Variants in FRAS1 observed in about 807,000 individuals in gnomAD.
FRAS1 encodes the protein Fraser extracellular matrix complex subunit 1, also known as extracellular matrix organizing protein FRAS1.
Under a neutral mutation model 435.2 loss-of-function variants are expected in FRAS1, and 290 were observed. The ratio of observed to expected loss-of-function variants is 0.67; its 90% CI spans 0.61 to 0.73. The LOEUF (loss-of-function observed/expected upper bound fraction) is 0.73, where lower values mean the gene tolerates loss of function less well. Among genes scored for constraint, FRAS1 ranks in the 30% least tolerant of loss-of-function variants. The pLI, the probability that FRAS1 is intolerant of heterozygous loss-of-function variation, is 0.00. For missense variants in FRAS1, 4,860 were observed against 5,001.5 expected, an observed-to-expected ratio of 0.97 and a Z score of 0.85; for synonymous variants, 1,800 against 1,851.0, an observed-to-expected ratio of 0.97 and a Z score of 0.71.
rs543053250 is a variant in FRAS1, at chr4:78,523,667, T to C, written c.10808+859T>C. On this transcript the variant is annotated intron_variant, in intron 69 of 73. Transcript: ENST00000512123. ...AAATTTTTTCTTAACTTAAAATTTT[T>C]GATCTTATATCAGATATTTTTATTG... Among the ~76,000 whole-genome samples, 9 of 152,358 alleles carry C rather than the reference T, an allele frequency of 5.9e-5. No homozygotes were observed. In the East Asian group the frequency reaches 1.7e-3, roughly 29 times the overall value.
intron 2 of FRAS1, among the ~76,000 whole-genome samples, chr4:78,068,931 A>AT (rs5859602): frequency 0.25 from 37,640 of 152,090 alleles, 5,046 homozygotes; most frequent in East Asian, 0.36. Context: ...AAAGAAAAGC[A>AT]TTGTGTCTAC....
intron 29 of FRAS1, among the ~76,000 whole-genome samples, chr4:78,398,801 G>A (rs1288818017): frequency 1.3e-5 from 2 of 152,150 alleles, no homozygotes; most frequent in African/African-American, 2.4e-5. Context: ...TGGCCAACAT[G>A]GTGAAACCCA....
At chr4:78,445,880 G>A in intron 42 of FRAS1, 168 bp downstream of exon 42, 1 of 1,342,930 alleles carries the variant, frequency 7.4e-7, no homozygotes, top group Non-Finnish European at 9.5e-7. Flanking sequence ...ATTAAGGTTG[G>A]CATTTGGGGA....
chr4:78,271,816 T>A (rs1726710877), intron 9 of FRAS1, among the ~76,000 whole-genome samples: 3 of 152,228 alleles, frequency 2.0e-5, no homozygotes, highest in African/African-American at 4.8e-5. Context: ...TTATAATCCT[T>A]TGGGTATACA....
intron 37 of FRAS1, 98 bp from the exon 38 acceptor site, chr4:78,432,259 C>A (rs1734244310): frequency 8.2e-7 from 1 of 1,220,826 alleles, no homozygotes; most frequent in Non-Finnish European, 1.1e-6. Flanking sequence ...GAGTTATGAT[C>A]CTATATGAAC....
chr4:78,401,686 A>G (rs754273390), intron 30 of FRAS1, among the ~76,000 whole-genome samples: 2 of 151,280 alleles, frequency 1.3e-5, no homozygotes, highest in Admixed American at 1.3e-4. Flanking sequence ...GCACAGAGAC[A>G]TGGCAGAGAA....
chr4:78,354,184 C>T (rs1247113391), intron 20 of FRAS1, among the ~76,000 whole-genome samples: 1 of 152,140 alleles, frequency 6.6e-6, no homozygotes, highest in East Asian at 1.9e-4. Flanking sequence ...AAGCTGTTTC[C>T]TCGGCTCCTA....
chr4:78,271,342 C>A (rs1241754248), intron 9 of FRAS1, among the ~76,000 whole-genome samples: 1 of 151,710 alleles, frequency 6.6e-6, no homozygotes, highest in East Asian at 1.9e-4. Flanking sequence ...ACTTTAAGTT[C>A]TGGGGTGCAT....
At chr4:78,088,589 G>A (rs1355652699) in intron 2 of FRAS1, among the ~76,000 whole-genome samples, 1 of 151,952 alleles carries the variant, frequency 6.6e-6, no homozygotes, top group Admixed American at 6.6e-5. Context: ...CAAGAAAAAA[G>A]CAAACAGCCC....
intron 2 of FRAS1, among the ~76,000 whole-genome samples, chr4:78,183,146 T>C (rs1385903414): frequency 1.3e-5 from 2 of 152,128 alleles, no homozygotes; most frequent in African/African-American, 4.8e-5. Context: ...AAGCCAGATA[T>C]GGACTTGCAT....
rs371986613 is a variant in FRAS1 at position 78,255,547 on chromosome 4, A to G, written c.603+172A>G. 1.8e-4 allele frequency among the ~76,000 whole-genome samples: 28 copies of G among 152,318 alleles called. No homozygotes were observed. The East Asian group carries it at 5.2e-3, about 28-fold the overall frequency. ...CTGAGACATTTCTTTTACCCTTAGA[A>G]ACTACAGATAGGTCTAATTACCAGC... On this transcript the variant is annotated intron_variant, in intron 6 of 73. Transcript: ENST00000512123.
intron 2 of FRAS1, among the ~76,000 whole-genome samples, chr4:78,136,614 A>G (rs1719931190): frequency 6.6e-6 from 1 of 152,230 alleles, no homozygotes; most frequent in East Asian, 1.9e-4. Context: ...CAGTTCTTGA[A>G]TGAGGAAGAG....
intron 7 of FRAS1, among the ~76,000 whole-genome samples, chr4:78,266,114 A>T (rs1726341267): frequency 6.6e-6 from 1 of 152,242 alleles, no homozygotes. Flanking sequence ...TAAAATGCTA[A>T]CATTAATTAT....
intron 2 of FRAS1, among the ~76,000 whole-genome samples, chr4:78,093,461 C>A (rs1182659052): frequency 6.6e-6 from 1 of 152,132 alleles, no homozygotes; most frequent in Non-Finnish European, 1.5e-5. Context: ...ACCACTATGA[C>A]AACTGATTAT....
intron 6 of FRAS1, 120 bp downstream of exon 6, chr4:78,255,495 T>C: frequency 9.4e-7 from 1 of 1,065,834 alleles, no homozygotes; most frequent in Non-Finnish European, 1.3e-6. Context: ...GCCCTTTTTG[T>C]TTTCCTCATA....
chr4:78,464,313 C>T, intron 48 of FRAS1, 130 bp from the exon 49 acceptor site: 1 of 1,387,380 alleles, frequency 7.2e-7, no homozygotes, highest in Non-Finnish European at 9.9e-7. Flanking sequence ...CAAGAGGACT[C>T]ACTCTGGGGC....
intron 2 of FRAS1, among the ~76,000 whole-genome samples, chr4:78,162,597 A>G (rs9284618): frequency 0.91 from 138,724 of 152,240 alleles, 63,422 homozygotes; most frequent in Admixed American, 0.95. Context: ...TCAGCTGTAG[A>G]GTTTTCACTG....
At chr4:78,307,676 C>T (rs372203741) in intron 14 of FRAS1, among the ~76,000 whole-genome samples, 5 of 152,244 alleles carry the variant, frequency 3.3e-5, no homozygotes, top group Admixed American at 6.5e-5. Flanking sequence ...TGACCCCTTG[C>T]GCTTCCCAGG....
intron 2 of FRAS1, among the ~76,000 whole-genome samples, chr4:78,196,983 G>C (rs1397623169): frequency 6.6e-6 from 1 of 152,198 alleles, no homozygotes; most frequent in African/African-American, 2.4e-5. Flanking sequence ...GAGAAGTGGA[G>C]GGGAGATTGG....
Sources: gnomAD v4.1 joint callset for allele counts (sites outside exome capture counted in the v4.1 genomes callset) on GRCh38, gnomAD v4.1.1 for gene constraint, MANE v1.5 for transcripts, NCBI Gene and HGNC (gene_info 2026-07-23, HGNC 2026-07-21) for gene names.